RRP1B: variants seen among roughly 807,000 people sequenced by gnomAD.
The protein encoded by RRP1B is ribosomal RNA processing protein 1 homolog B.
Under a neutral mutation model 80.2 loss-of-function variants are expected in RRP1B, and 56 were observed. The observed-to-expected ratio is 0.70, with a 90% CI of 0.56 to 0.87. The LOEUF is 0.87. Ranked by LOEUF, RRP1B falls within the 40% of genes least tolerant of loss-of-function variation. The pLI is 0.00. For synonymous variants in RRP1B, 351 were observed against 357.6 expected (o/e 0.98, Z 0.21); for missense variants, 807 against 939.8 (o/e 0.86, Z 1.85).
intron 2 of RRP1B, among the ~76,000 whole-genome samples, chr21:43,671,941 C>A (rs2083001020): frequency 6.6e-6 from 1 of 152,132 alleles, no homozygotes; most frequent in Admixed American, 6.5e-5. Context: ...CCTGCCTCGG[C>A]CTCCCAAAGT....
Position 43,673,731 on chromosome 21 carries a change from C to A in RRP1B, c.272-139C>A. The A allele has an allele frequency of 1.3e-5, 7 of 527,478 alleles. No homozygotes were observed. In the South Asian group the frequency reaches 1.3e-4, roughly 10 times the overall value. The allele number at this position is 527,478 out of a possible 1,614,324, so 32.7% of individuals were successfully genotyped here. A position where few individuals can be genotyped will look rare whatever the true frequency, so the allele number is the denominator to read the frequency against. On this transcript the variant is annotated intron_variant, in intron 3 of 15. Transcript: ENST00000340648. ...ATGATTGAGTATATTTAATTATCAA[C>A]AGATTTTCTAGCTGCCCAAGAATTA...
intron 5 of RRP1B, 82 bp from the exon 6 acceptor site, chr21:43,674,952 G>A (rs11702728): frequency 6.4e-7 from 1 of 1,554,274 alleles, no homozygotes; most frequent in Non-Finnish European, 8.8e-7. Context: ...GTAGGTTCTA[G>A]ACGGAGTATT....
Position 43,686,796 on chromosome 21 carries a change from GC to G in RRP1B, c.1010-7del. ...GGGAAGCTAACAGTGTGTCACTCTG[GC>G]ATCTAGGAAGCAGTATATCTCAACT... is the stretch of plus-strand genomic sequence containing the variant. On this transcript the variant is annotated splice_polypyrimidine_tract_variant and splice_region_variant and intron_variant, in intron 11 of 15. Coordinates refer to ENST00000340648, the MANE Select transcript of RRP1B (RefSeq NM_015056.3). 1 of 1,613,814 alleles carries G rather than the reference GC, an allele frequency of 6.2e-7. No homozygotes were observed. Among genetic ancestry groups the G allele is most frequent in the Non-Finnish European group, 8.5e-7 (1 of 1,179,854 alleles).
intron 9 of RRP1B, among the ~76,000 whole-genome samples, chr21:43,684,352 T>A (rs1474132020): frequency 6.6e-6 from 1 of 152,122 alleles, no homozygotes; most frequent in Non-Finnish European, 1.5e-5. Context: ...ATTACAGGCA[T>A]GAGCCACCGC....
At chr21:43,681,126 A>G (rs546681779) in intron 8 of RRP1B, among the ~76,000 whole-genome samples, 49 of 152,130 alleles carry the variant, frequency 3.2e-4, no homozygotes, top group Middle Eastern at 3.4e-3. Context: ...CTATAGTCCC[A>G]GCTACTTGGG....
chr21:43,680,810 G>A (rs540685443), intron 8 of RRP1B, among the ~76,000 whole-genome samples: 87 of 152,252 alleles, frequency 5.7e-4, no homozygotes, highest in African/African-American at 2.0e-3. Context: ...CTCCCAAAGT[G>A]CTGGGATTAA....
chr21:43,670,031 C>T (rs575701774), intron 2 of RRP1B, 65 bp downstream of exon 2: 12 of 1,206,346 alleles, frequency 9.9e-6, no homozygotes, highest in Non-Finnish European at 1.3e-5. Context: ...GACTTGATCA[C>T]TCATGCTGTG....
rs1401925197 is a variant in RRP1B at position 43,688,088 on chromosome 21, A to G, written c.1714A>G (p.Lys572Glu). The part of the protein sequence containing the change: ...TTLPQRRRLQ[K>E]KKAGPGSLEL... Reference sequence around the variant, plus strand: ...GCTGCCCCAGCGCAGGAGGCTGCAGAAAAAGAAGGCAGGGCCCGGCAGCCT... The same window carrying G: ...GCTGCCCCAGCGCAGGAGGCTGCAGGAAAAGAAGGCAGGGCCCGGCAGCCT... The change falls in exon 13 of 16, where the codon AAA becomes GAA. Residue 572 changes from lysine to glutamate, a missense_variant. Transcript: ENST00000340648. The G allele has an allele frequency of 6.2e-7, 1 of 1,610,666 alleles. No homozygotes were observed. Among genetic ancestry groups the G allele is most frequent in the Admixed American group, 1.7e-5 (1 of 59,374 alleles).
intron 8 of RRP1B, among the ~76,000 whole-genome samples, chr21:43,681,275 G>T (rs2083042319): frequency 1.5e-5 from 2 of 133,326 alleles, no homozygotes; most frequent in Non-Finnish European, 3.0e-5. Flanking sequence ...TAGATAGATA[G>T]ATAGATAGAT....
chr21:43,675,884 A>G (rs571021993), intron 6 of RRP1B, among the ~76,000 whole-genome samples: 38 of 144,590 alleles, frequency 2.6e-4, no homozygotes, highest in African/African-American at 1.0e-3. Flanking sequence ...ATTTTATTTT[A>G]TTTTATTTTA....
chr21:43,666,605 C>G (rs574097212), intron 1 of RRP1B, among the ~76,000 whole-genome samples: 3 of 152,066 alleles, frequency 2.0e-5, no homozygotes, highest in East Asian at 3.9e-4. Flanking sequence ...GTAATCCCAG[C>G]TACGTGGGAG....
In RRP1B at chr21:43,687,698, C is replaced by A. The variant is rs763993695; in HGVS notation, c.1324C>A (p.Arg442Ser). Residue 442 changes from arginine (R) to serine (S), a missense_variant, in exon 13 of 16, where the codon CGT becomes AGT. By Grantham distance (110) the Arg-to-Ser change is moderately radical. Coordinates refer to ENST00000340648, the MANE Select transcript of RRP1B (RefSeq NM_015056.3). ...CTCTGGGCTGAAAGCCCTGAAGGCA[C>A]GTGTGGCCGAGCCAGGTGCAGAGGC... ...EASGLKALKA[R>S]VAEPGAEATS... is the part of the protein sequence containing the mutation. The A allele has an allele frequency of 1.2e-6, 2 of 1,610,114 alleles. No individual in the cohort carries two copies. Among genetic ancestry groups the A allele is most frequent in the Non-Finnish European group, 1.7e-6 (2 of 1,177,918 alleles).
chr21:43,674,273 C>T (rs1222956841), intron 4 of RRP1B, among the ~76,000 whole-genome samples: 2 of 152,190 alleles, frequency 1.3e-5, no homozygotes, highest in South Asian at 2.1e-4. Context: ...TCTCATGCCT[C>T]GGCCTCCTGA....
rs1295450121 is a variant in RRP1B, at chr21:43,696,051, A to G, written c.*2668A>G. 1 of 151,942 alleles carries G rather than the reference A, an allele frequency of 6.6e-6. No individual in the cohort carries two copies. The highest frequency in any genetic ancestry group is 1.5e-5 in the Non-Finnish European group (1 of 68,008). 9.4% of individuals were successfully genotyped at this position (151,942 alleles called of 1,614,324 possible). A position where few individuals can be genotyped will look rare whatever the true frequency, so the allele number is the denominator to read the frequency against. ...GTCAGTACTCGTCAAAGCCAAGTCCAATTAAAAAAAAAAGTCTTTGCCCTC... is the reference window on the plus strand; with the variant it reads ...GTCAGTACTCGTCAAAGCCAAGTCCGATTAAAAAAAAAAGTCTTTGCCCTC... On this transcript the variant is annotated 3_prime_UTR_variant, in exon 16 of 16. Coordinates refer to ENST00000340648, the MANE Select transcript of RRP1B (RefSeq NM_015056.3).
At chr21:43,675,975 G>A (rs2083020382) in intron 6 of RRP1B, among the ~76,000 whole-genome samples, 1 of 151,828 alleles carries the variant, frequency 6.6e-6, no homozygotes, top group South Asian at 2.1e-4. Flanking sequence ...ATGGCTTGGG[G>A]AAGTCACAAG....
intron 8 of RRP1B, among the ~76,000 whole-genome samples, chr21:43,677,285 G>A (rs9979935): frequency 0.047 from 7,203 of 152,254 alleles, 554 homozygotes; most frequent in African/African-American, 0.16. Flanking sequence ...CTCGAGGGAC[G>A]TACGCTTGTT....
At chr21:43,673,463 G>A (rs760835278) in intron 3 of RRP1B, among the ~76,000 whole-genome samples, 54 of 151,924 alleles carry the variant, frequency 3.6e-4, no homozygotes, top group African/African-American at 1.2e-3. Context: ...GTTAAACCCC[G>A]TCTTTACTAA....
At chr21:43,667,992 G>C (rs2147162382) in intron 1 of RRP1B, among the ~76,000 whole-genome samples, 1 of 152,338 alleles carries the variant, frequency 6.6e-6, no homozygotes, top group Non-Finnish European at 1.5e-5. Context: ...CAGATCACCT[G>C]AGGTCAGGAG....
At chr21:43,690,567 C>T in intron 14 of RRP1B, 127 bp downstream of exon 14, 1 of 1,043,752 alleles carries the variant, frequency 9.6e-7, no homozygotes, top group Non-Finnish European at 1.4e-6. Flanking sequence ...CCACAGTGGA[C>T]AGGTTCCACG....
Sources: allele counts gnomAD v4.1 joint callset (sites outside exome capture counted in the v4.1 genomes callset), GRCh38; gene constraint gnomAD v4.1.1; transcripts MANE v1.5; gene names NCBI Gene and HGNC (gene_info 2026-07-23, HGNC 2026-07-21).